BDP1: variants seen among roughly 807,000 people sequenced by gnomAD.
BDP1 encodes transcription factor TFIIIB component B'' homolog.
In BDP1, 169 loss-of-function variants were observed where a neutral mutation model predicts 266.6. The ratio of observed to expected loss-of-function variants is 0.63; its 90% CI spans 0.56 to 0.72. The LOEUF (loss-of-function observed/expected upper bound fraction) is 0.72. BDP1 is among the 30% of genes least tolerant of loss of function. The probability of loss-of-function intolerance (pLI) is 0.00; values close to 1 mark genes in which losing one functional copy is unlikely to be tolerated. For missense variants in BDP1, 3,015 were observed against 3,053.8 expected (o/e 0.99, Z 0.30); for synonymous variants, 1,090 against 1,022.4 (o/e 1.07, Z -1.26).
intron 8 of BDP1, among the ~76,000 whole-genome samples, chr5:71,485,894 G>GTTCA (rs1763233641): frequency 6.6e-6 from 1 of 152,188 alleles, no homozygotes; most frequent in Admixed American, 6.6e-5. Context: ...TCAAAGTGTA[G>GTTCA]TTCAAGTTTT....
chr5:71,490,417 G>T (rs1020185648), intron 10 of BDP1, among the ~76,000 whole-genome samples: 2 of 152,108 alleles, frequency 1.3e-5, no homozygotes, highest in African/African-American at 4.8e-5. Context: ...ACAGCTTAAT[G>T]ATTCACAACC....
At chr5:71,504,597 T>C in intron 15 of BDP1, 24 bp from the exon 16 acceptor site, 1 of 1,590,968 alleles carries the variant, frequency 6.3e-7, no homozygotes, top group Non-Finnish European at 8.5e-7. Context: ...CCTAAAACAT[T>C]AGAAAAATTT....
At chr5:71,543,817 G>A (rs925286176) in intron 30 of BDP1, among the ~76,000 whole-genome samples, 1 of 152,150 alleles carries the variant, frequency 6.6e-6, no homozygotes, top group Non-Finnish European at 1.5e-5. Flanking sequence ...CATCATTAAT[G>A]ATACTTTGTA....
intron 7 of BDP1, among the ~76,000 whole-genome samples, chr5:71,477,008 C>T (rs1413168355): frequency 6.6e-6 from 1 of 151,296 alleles, no homozygotes; most frequent in Non-Finnish European, 1.5e-5. Context: ...CCGGCCCCCC[C>T]ACCTTTTTTT....
chr5:71,525,444 A>AT (rs1765764606), intron 25 of BDP1, among the ~76,000 whole-genome samples: 4 of 106,826 alleles, frequency 3.7e-5, no homozygotes, highest in Non-Finnish European at 7.8e-5. Context: ...CGGGGGGCTG[A>AT]CACCCCCCAC....
At chr5:71,491,281 G>T in intron 11 of BDP1, 150 bp downstream of exon 11, 1 of 688,736 alleles carries the variant, frequency 1.5e-6, no homozygotes, top group African/African-American at 1.8e-5. Flanking sequence ...TCTGTTGTTA[G>T]GTGTGTACAT....
chr5:71,575,509 G>C, the BDP1 span, among the ~76,000 whole-genome samples: 1 of 152,178 alleles, frequency 6.6e-6, no homozygotes, highest in Non-Finnish European at 1.5e-5. Context: ...AAAAAGTCCA[G>C]AAGTTGGTGA....
At chr5:71,549,335 T>C in intron 33 of BDP1, 85 bp from the exon 34 acceptor site, 1 of 1,116,638 alleles carries the variant, frequency 9.0e-7, no homozygotes, top group Non-Finnish European at 1.3e-6. Flanking sequence ...GTCCTGAGAC[T>C]GTCTTTTTAG....
chr5:71,517,064 C>A (rs1266166083), intron 21 of BDP1, among the ~76,000 whole-genome samples: 1 of 152,134 alleles, frequency 6.6e-6, no homozygotes, highest in Non-Finnish European at 1.5e-5. Flanking sequence ...CAGTTTGAAT[C>A]TAATTTTAAA....
At position 71,532,266 on chromosome 5, in the gene BDP1, T is replaced by G. The variant is rs781144113; in HGVS notation, c.5773-42T>G. ...GAAGATGAGGCTTTGTTTTGCTGTTTATAATATGCCAAAATGAAATGATAA... is the reference window on the plus strand; with the variant it reads ...GAAGATGAGGCTTTGTTTTGCTGTTGATAATATGCCAAAATGAAATGATAA... On this transcript the variant is annotated intron_variant, in intron 25 of 38. Coordinates refer to ENST00000358731, the MANE Select transcript of BDP1 (RefSeq NM_018429.3). 2.5e-6 allele frequency: 4 copies of G among 1,597,752 alleles called. No homozygotes were observed. In the South Asian group the frequency reaches 4.5e-5, roughly 18 times the overall value.
chr5:71,577,186 G>T, the BDP1 span, among the ~76,000 whole-genome samples: 67,467 of 151,994 alleles, frequency 0.44, 15,366 homozygotes, highest in South Asian at 0.55. Flanking sequence ...ATCTGTCTGA[G>T]CCATGGGCTG....
intron 27 of BDP1, 115 bp from the exon 28 acceptor site, chr5:71,539,442 C>G: frequency 1.4e-6 from 1 of 723,854 alleles, no homozygotes; most frequent in East Asian, 2.7e-5. Flanking sequence ...ATTAATGGCT[C>G]AGAGGATATT....
At position 71,553,328 on chromosome 5, in the gene BDP1, G is replaced by A. The variant is rs776469995; in HGVS notation, c.7200+8G>A. The A allele has an allele frequency of 1.1e-5, 17 of 1,600,264 alleles. No homozygotes were observed. Among genetic ancestry groups the A allele is most frequent in the Admixed American group, 5.0e-5 (3 of 59,944 alleles). On this transcript the variant is annotated splice_region_variant and intron_variant, in intron 35 of 38. Coordinates refer to ENST00000358731, the MANE Select transcript of BDP1 (RefSeq NM_018429.3). ...CAAGAATATACCACTGAGGTAAGTG[G>A]TATATTAAGTACCACTCAATATGGC... is the stretch of plus-strand genomic sequence containing the variant.
At chr5:71,577,345 T>C in the BDP1 span, among the ~76,000 whole-genome samples, 1 of 152,238 alleles carries the variant, frequency 6.6e-6, no homozygotes, top group African/African-American at 2.4e-5. Flanking sequence ...TGCATAGTTC[T>C]ATTCAAACAG....
intron 6 of BDP1, among the ~76,000 whole-genome samples, chr5:71,469,933 C>T (rs1370120384): frequency 6.6e-6 from 1 of 151,780 alleles, no homozygotes; most frequent in Non-Finnish European, 1.5e-5. Context: ...CCTCCGCTTC[C>T]CGGGTTCAAG....
At chr5:71,465,095 T>G (rs114283423) in intron 4 of BDP1, among the ~76,000 whole-genome samples, 3,021 of 151,952 alleles carry the variant, frequency 0.02, 100 homozygotes, top group African/African-American at 0.069. Flanking sequence ...GGTCTTGAAC[T>G]TCTAAGCTCA....
intron 8 of BDP1, 38 bp downstream of exon 8, chr5:71,483,934 A>C: frequency 6.7e-7 from 1 of 1,500,826 alleles, no homozygotes; most frequent in Non-Finnish European, 9.2e-7. Context: ...TATTACTTGA[A>C]GAGCCTAAAA....
At position 71,545,116 on chromosome 5, in the gene BDP1, C is replaced by G. The variant is rs755711065; in HGVS notation, c.6641C>G (p.Pro2214Arg). 2 of 1,613,606 alleles carry G rather than the reference C, an allele frequency of 1.2e-6. No homozygotes were observed. Among genetic ancestry groups the G allele is most frequent in the Non-Finnish European group, 1.7e-6 (2 of 1,179,852 alleles). The change falls in exon 32 of 39, where the codon CCC (proline) becomes CGC (arginine). Residue 2214 changes from proline to arginine, a missense_variant. This residue lies in a region of BDP1 where 629 missense variants were observed against 632.5 expected (regional missense o/e 0.99). Transcript: ENST00000358731. ...VAPVASSETGPCTLGLDRGLG... is the reference protein window; with the variant it reads ...VAPVASSETGRCTLGLDRGLG... ...CCAGTTGCTTCCTCTGAGACAGGGC[C>G]CTGCACACTTGGTTTGGATAGGGGT...
intron 6 of BDP1, among the ~76,000 whole-genome samples, chr5:71,469,554 T>C (rs1237357387): frequency 1.3e-5 from 2 of 152,162 alleles, no homozygotes; most frequent in Non-Finnish European, 2.9e-5. Context: ...GCACTTTGAA[T>C]AAGATCAGCT....
Sources: gnomAD v4.1 joint callset for allele counts (sites outside exome capture counted in the v4.1 genomes callset) on GRCh38, gnomAD v4.1.1 for gene constraint, gnomAD v4.1.1 regional missense constraint, MANE v1.5 for transcripts, NCBI Gene and HGNC (gene_info 2026-07-23, HGNC 2026-07-21) for gene names.